Variants in AFF3 observed in about 807,000 individuals in gnomAD.
The protein encoded by AFF3 is ALF transcription elongation factor 3, also known as AF4/FMR2 family member 3.
AFF3 carries 32 observed loss-of-function variants against 129.7 expected under a neutral mutation model. That is an observed-to-expected ratio of 0.25 (90% CI 0.19 to 0.33). AFF3 has a LOEUF of 0.33. Ranked by LOEUF, AFF3 falls within the 10% of genes least tolerant of loss-of-function variation. The pLI is 1.00. For missense variants in AFF3, 1,373 were observed against 1,592.0 expected, an observed-to-expected ratio of 0.86 and a Z score of 2.34; for synonymous variants, 644 against 635.4, an observed-to-expected ratio of 1.01 and a Z score of -0.20.
chr2:100,035,368 G>A (rs893321424), intron 4 of AFF3, among the ~76,000 whole-genome samples: 3 of 152,224 alleles, frequency 2.0e-5, no homozygotes, highest in Non-Finnish European at 4.4e-5. Flanking sequence ...TGTGCAAGGA[G>A]CTTCCAAGGG....
intron 7 of AFF3, among the ~76,000 whole-genome samples, chr2:99,885,241 T>C (rs142962830): frequency 9.3e-4 from 141 of 152,338 alleles, no homozygotes; most frequent in African/African-American, 3.3e-3. Flanking sequence ...TTTCAAAATG[T>C]GATTCAAATT....
At chr2:99,885,124 A>G (rs1317595520) in intron 7 of AFF3, among the ~76,000 whole-genome samples, 2 of 152,186 alleles carry the variant, frequency 1.3e-5, no homozygotes, top group African/African-American at 4.8e-5. Context: ...AGCCAAAAGC[A>G]GCCCTGCCCT....
intron 11 of AFF3, among the ~76,000 whole-genome samples, chr2:99,681,881 A>G (rs866847460): frequency 3.3e-4 from 50 of 151,204 alleles, no homozygotes; most frequent in Middle Eastern, 3.4e-3. Context: ...CTATTCAGCC[A>G]GGGTTGAGAA....
intron 12 of AFF3, among the ~76,000 whole-genome samples, chr2:99,651,385 G>A (rs940096549): frequency 5.3e-5 from 8 of 152,006 alleles, no homozygotes; most frequent in Non-Finnish European, 1.2e-4. Flanking sequence ...AGCATGCACC[G>A]GGAAACAAGG....
At position 99,549,580 on chromosome 2, in the gene AFF3, T is replaced by A. The variant is rs1257877763; in HGVS notation, c.*1894A>T. On this transcript the variant is annotated 3_prime_UTR_variant, in exon 25 of 25. Coordinates refer to ENST00000672756, the MANE Select transcript of AFF3 (RefSeq NM_001386135.1). ...AGCCTGGGCAACAGAGCGAAACTCG[T>A]CTCAAAAAAAAAGTGAAAGGGTTGT... 1.0e-5 allele frequency: 2 copies of A among 192,550 alleles called. No individual in the cohort carries two copies. The highest frequency in any genetic ancestry group is 2.2e-5 in the Non-Finnish European group (2 of 92,480). 11.9% of individuals were successfully genotyped at this position (192,550 alleles called of 1,614,324 possible).
chr2:99,598,025 T>C (rs1035232366), intron 14 of AFF3, among the ~76,000 whole-genome samples: 1 of 152,110 alleles, frequency 6.6e-6, no homozygotes, highest in Non-Finnish European at 1.5e-5. Context: ...TTAAGAACGA[T>C]CTAGGGCAGC....
rs117733436 is a variant in AFF3, at chr2:99,732,007, C to T, written c.1040-4879G>A. ...TTCCAGGCCAGGGATGGAACATCAT[C>T]GAAAGTGCCTTCACTGGCTCCCATC... On this transcript the variant is annotated intron_variant, in intron 10 of 24. Transcript: ENST00000672756. 8.9e-4 allele frequency among the ~76,000 whole-genome samples: 135 copies of T among 152,232 alleles called. 2 individuals carry two copies. In the East Asian group the frequency reaches 0.013, roughly 14 times the overall value.
intron 11 of AFF3, among the ~76,000 whole-genome samples, chr2:99,691,430 T>C (rs1258048799): frequency 6.6e-6 from 1 of 152,206 alleles, no homozygotes; most frequent in African/African-American, 2.4e-5. Context: ...TTGTCCCCGC[T>C]TGGTGTCCAA....
At chr2:99,601,934 G>C (rs1459256484) in intron 13 of AFF3, among the ~76,000 whole-genome samples, 1 of 152,190 alleles carries the variant, frequency 6.6e-6, no homozygotes, top group Non-Finnish European at 1.5e-5. Flanking sequence ...TTTTGCTGCT[G>C]TTCTGGGAAT....
chr2:99,709,807 C>T (rs926106437), intron 11 of AFF3, among the ~76,000 whole-genome samples: 4 of 152,198 alleles, frequency 2.6e-5, no homozygotes, highest in Admixed American at 6.5e-5. Context: ...ATCCCTACCC[C>T]CAAAGCCAAT....
At chr2:99,590,680 G>GT (rs891462187) in intron 15 of AFF3, among the ~76,000 whole-genome samples, 1 of 152,182 alleles carries the variant, frequency 6.6e-6, no homozygotes, top group African/African-American at 2.4e-5. Context: ...TGGAAACTAT[G>GT]TTGGGGCCTC....
At chr2:100,066,331 G>C (rs1307155332) in intron 4 of AFF3, among the ~76,000 whole-genome samples, 4 of 152,268 alleles carry the variant, frequency 2.6e-5, no homozygotes, top group African/African-American at 9.6e-5. Flanking sequence ...TACTTTGGAG[G>C]AAGGGGTGGT....
chr2:99,852,581 C>T (rs1315275756), intron 7 of AFF3, among the ~76,000 whole-genome samples: 1 of 152,166 alleles, frequency 6.6e-6, no homozygotes, highest in Non-Finnish European at 1.5e-5. Context: ...GGCACCAATG[C>T]TGTGCCAGTA....
chr2:99,655,213 TACACACACAC>T (rs59646108), intron 12 of AFF3, among the ~76,000 whole-genome samples: 14,452 of 130,194 alleles, frequency 0.11, 848 homozygotes, highest in African/African-American at 0.14. Context: ...CATGAAAAGC[TACACACACAC>T]ACACACACAC....
intron 11 of AFF3, among the ~76,000 whole-genome samples, chr2:99,704,993 T>A (rs1677219638): frequency 6.6e-6 from 1 of 151,722 alleles, no homozygotes; most frequent in Non-Finnish European, 1.5e-5. Context: ...GAGAAGAAGG[T>A]AGAGGAAAAA....
At chr2:99,942,884 A>C (rs531853569) in intron 7 of AFF3, among the ~76,000 whole-genome samples, 2 of 152,126 alleles carry the variant, frequency 1.3e-5, no homozygotes, top group Non-Finnish European at 2.9e-5. Flanking sequence ...CCTTAATCCC[A>C]ATATATTTTC....
intron 4 of AFF3, among the ~76,000 whole-genome samples, chr2:100,096,065 C>A (rs940581392): frequency 6.6e-6 from 1 of 151,898 alleles, no homozygotes; most frequent in African/African-American, 2.4e-5. Flanking sequence ...AAATAGCTGA[C>A]CCCACCCCCA....
rs867477496 is a variant in AFF3, at chr2:99,632,008, C to T, written c.1184+17618G>A. Among the ~76,000 whole-genome samples the T allele has an allele frequency of 3.9e-3, 301 of 76,902 alleles. 5 individuals carry two copies. The highest frequency in any genetic ancestry group is 0.015 in the African/African-American group (279 of 18,384). 50.5% of individuals were successfully genotyped at this position (76,902 alleles called of 152,430 possible). On this transcript the variant is annotated intron_variant, in intron 13 of 24. Coordinates refer to ENST00000672756, the MANE Select transcript of AFF3 (RefSeq NM_001386135.1). Reference sequence around the variant, plus strand: ...CAATTTATCCACAACCTTGCCAACACTTTTTTTTTTTTTTTTTTTTTTTTT... The same window carrying T: ...CAATTTATCCACAACCTTGCCAACATTTTTTTTTTTTTTTTTTTTTTTTTT...
chr2:99,633,049 G>T (rs1683273218), intron 13 of AFF3, among the ~76,000 whole-genome samples: 1 of 152,066 alleles, frequency 6.6e-6, no homozygotes, highest in African/African-American at 2.4e-5. Context: ...ACTACCTAGA[G>T]ACACGGGCTA....
Sources: gnomAD v4.1 joint callset for allele counts (sites outside exome capture counted in the v4.1 genomes callset) on GRCh38, gnomAD v4.1.1 for gene constraint, MANE v1.5 for transcripts, NCBI Gene and HGNC (gene_info 2026-07-23, HGNC 2026-07-21) for gene names.